ADAMTS17: variants seen among roughly 807,000 people sequenced by gnomAD.
The protein encoded by ADAMTS17 is A disintegrin and metalloproteinase with thrombospondin motifs 17.
ADAMTS17 carries 113 observed loss-of-function variants against 141.5 expected under a neutral mutation model. That is an observed-to-expected ratio of 0.80 (90% CI 0.69 to 0.93). ADAMTS17 has a LOEUF of 0.93. Ranked by LOEUF, ADAMTS17 falls within the 40% of genes least tolerant of loss-of-function variation. The pLI is 0.00. For synonymous variants in ADAMTS17, 768 were observed against 630.6 expected (o/e 1.22, Z -3.27); for missense variants, 1,659 against 1,517.9 (o/e 1.09, Z -1.54).
At chr15:100,152,812 T>C in intron 9 of ADAMTS17, 50 bp from the exon 10 acceptor site, 1 of 1,586,932 alleles carries the variant, frequency 6.3e-7, no homozygotes, top group Non-Finnish European at 8.5e-7. Context: ...GCCTAGGTTT[T>C]TTTGTTTTCT....
chr15:100,025,326 G>A (rs546274115), intron 18 of ADAMTS17, among the ~76,000 whole-genome samples: 1 of 151,424 alleles, frequency 6.6e-6, no homozygotes. Context: ...TTTTTGAATC[G>A]GTTTCTTTTA....
At chr15:100,340,977 C>A (rs567610972) in intron 2 of ADAMTS17, 62 bp downstream of exon 2, 7 of 1,516,404 alleles carry the variant, frequency 4.6e-6, no homozygotes, top group Non-Finnish European at 6.2e-6. Context: ...CCACCCTCCA[C>A]GGCGACCACT....
chr15:100,183,312 T>C (rs1427232760), intron 8 of ADAMTS17, among the ~76,000 whole-genome samples: 1 of 152,194 alleles, frequency 6.6e-6, no homozygotes, highest in Non-Finnish European at 1.5e-5. Flanking sequence ...CAAGCTTATA[T>C]CTTCCACAGA....
chr15:100,166,154 A>G (rs2039943152), intron 8 of ADAMTS17, among the ~76,000 whole-genome samples: 1 of 152,170 alleles, frequency 6.6e-6, no homozygotes, highest in Non-Finnish European at 1.5e-5. Flanking sequence ...ATTTCCTATT[A>G]GCATCATTCT....
chr15:100,248,741 C>G (rs557556268), intron 7 of ADAMTS17, among the ~76,000 whole-genome samples: 1 of 151,950 alleles, frequency 6.6e-6, no homozygotes, highest in African/African-American at 2.4e-5. Flanking sequence ...CCCATTCCAG[C>G]GAAGCCTAAG....
At chr15:100,124,954 G>C (rs1383812707) in intron 12 of ADAMTS17, among the ~76,000 whole-genome samples, 1 of 152,222 alleles carries the variant, frequency 6.6e-6, no homozygotes, top group East Asian at 1.9e-4. Context: ...CTTTCTTTGA[G>C]AGTGGATGGA....
chr15:100,234,256 C>G (rs956078988), intron 7 of ADAMTS17, among the ~76,000 whole-genome samples: 3 of 152,210 alleles, frequency 2.0e-5, no homozygotes, highest in Non-Finnish European at 4.4e-5. Flanking sequence ...CAGTCGACTA[C>G]TAGAAAGAGC....
At chr15:100,167,014 A>C (rs572412653) in intron 8 of ADAMTS17, among the ~76,000 whole-genome samples, 1 of 152,336 alleles carries the variant, frequency 6.6e-6, no homozygotes, top group African/African-American at 2.4e-5. Context: ...GAAAGTCTCT[A>C]TGTGGGCTGC....
At chr15:100,097,101 C>T (rs1234962955) in intron 14 of ADAMTS17, among the ~76,000 whole-genome samples, 1 of 152,132 alleles carries the variant, frequency 6.6e-6, no homozygotes, top group Non-Finnish European at 1.5e-5. Flanking sequence ...CTGCCTCTAC[C>T]CTAGGTGGAT....
At position 99,997,284 on chromosome 15, in the gene ADAMTS17, G is replaced by A. The variant is rs2060820482; in HGVS notation, c.2796+101C>T. 3.8e-6 allele frequency: 5 copies of A among 1,330,168 alleles called. No homozygotes were observed. In the East Asian group the frequency reaches 9.2e-5, roughly 24 times the overall value. The allele number at this position is 1,330,168 out of a possible 1,614,324, so 82.4% of individuals were successfully genotyped here. On this transcript the variant is annotated intron_variant, in intron 19 of 21. Transcript: ENST00000268070. This position sits in a 1 kb window ranked among gnomAD's most constrained non-coding sequence, Gnocchi z 4.7. Reference sequence around the variant, plus strand: ...CTATAACACAACTTCAAGCTGACCTGGGGGCGAGCGAGGGCTGGGAGGCAC... The same window carrying A: ...CTATAACACAACTTCAAGCTGACCTAGGGGCGAGCGAGGGCTGGGAGGCAC...
chr15:99,973,887 A>G lies in ADAMTS17; in HGVS notation c.*515T>C. On this transcript the variant is annotated 3_prime_UTR_variant, in exon 22 of 22. Coordinates refer to ENST00000268070, the MANE Select transcript of ADAMTS17 (RefSeq NM_139057.4). The stretch of plus-strand genomic sequence containing the variant: ...CTGGTTCTCATGTGGTCAAGAAGGT[A>G]GATGGAGAGAAACGTGTGCTAAGCA... 4.6e-6 allele frequency: 1 copy of G among 218,482 alleles called. No homozygotes were observed. The highest frequency in any genetic ancestry group is 9.2e-6 in the Non-Finnish European group (1 of 108,266). 13.5% of individuals were successfully genotyped at this position (218,482 alleles called of 1,614,324 possible). A position where few individuals can be genotyped will look rare whatever the true frequency, so the allele number is the denominator to read the frequency against.
At chr15:100,073,639 C>T (rs1309657140) in intron 15 of ADAMTS17, among the ~76,000 whole-genome samples, 1 of 151,772 alleles carries the variant, frequency 6.6e-6, no homozygotes, top group East Asian at 1.9e-4. Flanking sequence ...TGGAAACCAT[C>T]ATTCTCAACA....
intron 8 of ADAMTS17, 54 bp from the exon 9 acceptor site, chr15:100,155,374 G>C (rs1567270974): frequency 7.5e-6 from 12 of 1,590,362 alleles, no homozygotes; most frequent in Non-Finnish European, 1.0e-5. Context: ...CTCATTTCCA[G>C]TTCCTGGTGC....
Position 100,105,469 on chromosome 15 carries a change from G to A in ADAMTS17, c.2016+3520C>T, listed in dbSNP as rs1013440018. ...TGGAGTGACATCTGGGGATGGAGTG[G>A]CATCTGGGAACAGGAAGGCGTGCAT... is the stretch of plus-strand genomic sequence containing the variant. On this transcript the variant is annotated intron_variant, in intron 14 of 21. Transcript: ENST00000268070. Among the ~76,000 whole-genome samples the A allele has an allele frequency of 9.9e-5, 15 of 152,268 alleles. No individual in the cohort carries two copies. The South Asian group carries it at 2.7e-3, about 27-fold the overall frequency.
chr15:99,974,607 G>C (rs1292862527), intron 21 of ADAMTS17, 45 bp from the exon 22 acceptor site: 5 of 1,612,772 alleles, frequency 3.1e-6, no homozygotes, highest in South Asian at 1.1e-5. Context: ...GGATGGCCTA[G>C]GCATGTCCTG....
chr15:100,215,381 C>T (rs1035927384), intron 7 of ADAMTS17, among the ~76,000 whole-genome samples: 2 of 152,202 alleles, frequency 1.3e-5, no homozygotes, highest in Non-Finnish European at 2.9e-5. Flanking sequence ...TGGCGTTCTT[C>T]TGATAGCTCC....
At position 99,989,401 on chromosome 15, in the gene ADAMTS17, G is replaced by A. The variant is rs1161544109; in HGVS notation, c.2949+3647C>T. Among the ~76,000 whole-genome samples, 9 of 152,236 alleles carry A rather than the reference G, an allele frequency of 5.9e-5. No individual in the cohort carries two copies. The South Asian group carries it at 8.3e-4, about 14-fold the overall frequency. On this transcript the variant is annotated intron_variant, in intron 20 of 21. Coordinates refer to ENST00000268070, the MANE Select transcript of ADAMTS17 (RefSeq NM_139057.4). ...CAATAGTACAGGCTGCATTTAGGGC[G>A]TGACCGCTAGGACCCTTCCAATTCC...
intron 15 of ADAMTS17, among the ~76,000 whole-genome samples, chr15:100,055,970 A>T (rs112410897): frequency 0.012 from 1,753 of 152,322 alleles, 38 homozygotes; most frequent in African/African-American, 0.04. Context: ...TACTGCACTT[A>T]TCACTCTGAC....
chr15:100,315,959 C>T (rs139102516), intron 3 of ADAMTS17, among the ~76,000 whole-genome samples: 294 of 152,370 alleles, frequency 1.9e-3, no homozygotes, highest in African/African-American at 6.8e-3. Context: ...TTGGCCAAGC[C>T]TTGAACACTC....
Sources: gnomAD v4.1 joint callset for allele counts (sites outside exome capture counted in the v4.1 genomes callset) on GRCh38, gnomAD v4.1.1 for gene constraint, Gnocchi (gnomAD v3.1) non-coding constraint, MANE v1.5 for transcripts, NCBI Gene and HGNC (gene_info 2026-07-23, HGNC 2026-07-21) for gene names.